Variants in TBXAS1 observed in about 807,000 individuals in gnomAD.
The protein encoded by TBXAS1 is thromboxane-A synthase.
A neutral mutation model predicts 60.7 loss-of-function variants in TBXAS1; 48 were observed. The observed-to-expected ratio is 0.79, with a 90% CI of 0.63 to 1.01. The LOEUF (loss-of-function observed/expected upper bound fraction) is 1.01, where lower values mean the gene tolerates loss of function less well. Ranked by LOEUF, TBXAS1 falls within the 50% of genes least tolerant of loss-of-function variation. The pLI, the probability that TBXAS1 is intolerant of heterozygous loss-of-function variation, is 0.00. For synonymous variants in TBXAS1, 287 were observed against 269.7 expected (o/e 1.06, Z -0.63); for missense variants, 685 against 686.3 (o/e 1.00, Z 0.02).
At chr7:140,019,519 G>A (rs1815376064) in intron 12 of TBXAS1, among the ~76,000 whole-genome samples, 1 of 152,140 alleles carries the variant, frequency 6.6e-6, no homozygotes, top group Non-Finnish European at 1.5e-5. Flanking sequence ...TTTTTCAGAT[G>A]CCTTTGAGGG....
chr7:139,914,367 A>C (rs2117065785), intron 4 of TBXAS1, among the ~76,000 whole-genome samples: 1 of 152,208 alleles, frequency 6.6e-6, no homozygotes, highest in South Asian at 2.1e-4. Context: ...GAGCTGGGGC[A>C]GCTCTTTTTA....
chr7:139,826,629 T>C (rs1798444872), upstream of TBXAS1, among the ~76,000 whole-genome samples: 1 of 152,200 alleles, frequency 6.6e-6, no homozygotes, highest in Non-Finnish European at 1.5e-5. Context: ...TTTAGAGTCA[T>C]ACAGCCCATG....
intron 9 of TBXAS1, among the ~76,000 whole-genome samples, chr7:139,989,432 C>T (rs1343685484): frequency 6.6e-6 from 1 of 152,254 alleles, no homozygotes; most frequent in Non-Finnish European, 1.5e-5. Flanking sequence ...AAGGCTGAAA[C>T]TCCCCATGTC....
chr7:139,780,775 T>G (rs1457668814), exon 2 of TBXAS1: 2 of 154,502 alleles, frequency 1.3e-5, no homozygotes, highest in African/African-American at 4.8e-5. Flanking sequence ...GCTCACACTC[T>G]GTTGTCCACA....
At chr7:139,994,397 T>G (rs538875982) in intron 9 of TBXAS1, among the ~76,000 whole-genome samples, 13 of 152,346 alleles carry the variant, frequency 8.5e-5, no homozygotes, top group African/African-American at 2.4e-4. Flanking sequence ...CTGAGAGTGT[T>G]GGTCTGATCT....
chr7:139,897,035 G>A (rs1012706856), intron 3 of TBXAS1, among the ~76,000 whole-genome samples: 2 of 152,228 alleles, frequency 1.3e-5, no homozygotes, highest in South Asian at 2.1e-4. Flanking sequence ...GGCATTAGAC[G>A]TTGGAGCTGG....
intron 4 of TBXAS1, among the ~76,000 whole-genome samples, chr7:139,809,688 T>C (rs932028695): frequency 6.6e-6 from 1 of 152,186 alleles, no homozygotes; most frequent in African/African-American, 2.4e-5. Context: ...GATCTTGGAA[T>C]TCTGATGTCC....
At chr7:139,782,890 T>C (rs1797047679) in intron 3 of TBXAS1, among the ~76,000 whole-genome samples, 1 of 152,236 alleles carries the variant, frequency 6.6e-6, no homozygotes, top group South Asian at 2.1e-4. Context: ...TCCTCTCCCT[T>C]TATTTTAATT....
intron 4 of TBXAS1, among the ~76,000 whole-genome samples, chr7:139,924,226 A>G (rs994165946): frequency 2.2e-4 from 33 of 152,202 alleles, no homozygotes; most frequent in African/African-American, 7.7e-4. Flanking sequence ...AGGCGCCTCC[A>G]AACTGTTCTC....
In TBXAS1 at chr7:139,922,127, G is replaced by A. The variant is rs555580844; in HGVS notation, c.333+10806G>A. 1.1e-3 allele frequency among the ~76,000 whole-genome samples: 164 copies of A among 148,418 alleles called. 1 individual carries two copies. In the Middle Eastern group the frequency reaches 0.014, roughly 12 times the overall value. On this transcript the variant is annotated intron_variant, in intron 4 of 12. Coordinates refer to ENST00000448866, the MANE Select transcript of TBXAS1 (RefSeq NM_001061.7). ...TTTTTTTTTTTTTCCCCGAGATGGA[G>A]TTTTGCTCTTGTTGCCCAGGCTGGA...
chr7:139,805,672 TTC>T (rs1468286920), intron 4 of TBXAS1, among the ~76,000 whole-genome samples: 2 of 45,140 alleles, frequency 4.4e-5, no homozygotes, highest in Non-Finnish European at 8.6e-5. Flanking sequence ...CTTTCTTTCT[TTC>T]TTTCTTTCTT....
Position 140,015,756 on chromosome 7 carries a change from G to A in TBXAS1, c.1260G>A (p.Val420=), listed in dbSNP as rs138413218. 4 of 1,613,376 alleles carry A rather than the reference G, an allele frequency of 2.5e-6. No individual in the cohort carries two copies. The highest frequency in any genetic ancestry group is 3.4e-6 in the Non-Finnish European group (4 of 1,180,050). Residue 420 remains valine (V), a synonymous_variant, in exon 11 of 13, where the codon GTG becomes GTA. Transcript: ENST00000448866. ...FTREAAQDCE[V]LGQRIPAGAV... ...GGGAGGCAGCTCAGGACTGCGAGGT[G>A]CTGGGGCAGCGCATCCCCGCAGGCG... is the stretch of plus-strand genomic sequence containing the variant.
intron 4 of TBXAS1, among the ~76,000 whole-genome samples, chr7:139,823,554 A>C (rs887637212): frequency 2.6e-5 from 4 of 152,062 alleles, no homozygotes; most frequent in African/African-American, 9.7e-5. Flanking sequence ...CCCCAAGCTC[A>C]TACCACCCGT....
chr7:139,859,200 T>G (rs1190190097), intron 1 of TBXAS1, among the ~76,000 whole-genome samples: 1 of 115,526 alleles, frequency 8.7e-6, no homozygotes, highest in Non-Finnish European at 1.7e-5. Flanking sequence ...TTATCGTTAG[T>G]TTTTTTTTTT....
chr7:139,845,848 G>A (rs1799763962), intron 1 of TBXAS1, among the ~76,000 whole-genome samples: 1 of 145,542 alleles, frequency 6.9e-6, no homozygotes, highest in African/African-American at 2.6e-5. Context: ...TTTTTAGACA[G>A]GGTCTTACTC....
chr7:139,804,761 GA>G (rs1267926497), intron 4 of TBXAS1, among the ~76,000 whole-genome samples: 1 of 152,204 alleles, frequency 6.6e-6, no homozygotes, highest in Admixed American at 6.5e-5. Context: ...CACCATGTAA[GA>G]CATGCCTTTG....
At chr7:139,992,078 T>C (rs1451370641) in intron 9 of TBXAS1, among the ~76,000 whole-genome samples, 1 of 152,186 alleles carries the variant, frequency 6.6e-6, no homozygotes, top group Non-Finnish European at 1.5e-5. Flanking sequence ...CCCTGTCCGC[T>C]CTAGCAATAT....
intron 1 of TBXAS1, 110 bp from the exon 2 acceptor site, chr7:139,872,125 T>C (rs1801863044): frequency 2.6e-6 from 3 of 1,141,326 alleles, no homozygotes; most frequent in Admixed American, 1.8e-5. Context: ...ACTGGAAACC[T>C]ATTCTTTTGC....
Position 139,938,273 on chromosome 7 carries a change from T to C in TBXAS1, c.450+1966T>C, listed in dbSNP as rs139131103. On this transcript the variant is annotated intron_variant, in intron 5 of 12. Transcript: ENST00000448866. ...GGCCAGTGGGGCCCACCGGGATCAC[T>C]TGGGGGGCTTTGAAAACTGTTGCTG... Among the ~76,000 whole-genome samples the C allele has an allele frequency of 3.4e-3, 515 of 152,266 alleles. 4 individuals carry two copies. Among genetic ancestry groups the C allele is most frequent in the African/African-American group, 0.012 (496 of 41,568 alleles).
Sources: allele counts gnomAD v4.1 joint callset (sites outside exome capture counted in the v4.1 genomes callset), GRCh38; gene constraint gnomAD v4.1.1; transcripts MANE v1.5; gene names NCBI Gene and HGNC (gene_info 2026-07-23, HGNC 2026-07-21).